Variants in TBCK observed in about 807,000 individuals in gnomAD.
TBCK encodes the protein TBC1 domain containing kinase, also known as TBC domain-containing protein kinase-like protein.
TBCK carries 99 observed loss-of-function variants against 113.4 expected under a neutral mutation model. That is an observed-to-expected ratio of 0.87 (90% confidence interval 0.74 to 1.03). The LOEUF (loss-of-function observed/expected upper bound fraction) is 1.03, where lower values mean the gene tolerates loss of function less well. Ranked by LOEUF, TBCK falls within the 50% of genes least tolerant of loss-of-function variation. The pLI is 0.00. For synonymous variants in TBCK, 369 were observed against 370.8 expected (o/e 1.00, Z 0.05); for missense variants, 1,045 against 1,061.3 (o/e 0.98, Z 0.21).
intron 25 of TBCK, among the ~76,000 whole-genome samples, chr4:106,093,969 G>A (rs941076443): frequency 1.3e-5 from 2 of 152,182 alleles, no homozygotes; most frequent in African/African-American, 4.8e-5. Context: ...TCTGATGGGG[G>A]AGGCTGATAA....
chr4:106,197,411 G>GTGTGTATATATATATATATATA (rs35695611), intron 20 of TBCK, among the ~76,000 whole-genome samples: 6 of 122,464 alleles, frequency 4.9e-5, no homozygotes, highest in African/African-American at 1.9e-4. Flanking sequence ...GTGTGTGTGT[G>GTGTGTATATATATATATATATA]TATATATATA....
At chr4:106,221,254 G>A (rs1311222539) in intron 19 of TBCK, among the ~76,000 whole-genome samples, 23 of 151,982 alleles carry the variant, frequency 1.5e-4, no homozygotes, top group Non-Finnish European at 5.9e-5. Context: ...CAAAGTGCTG[G>A]GATTGCAGGC....
At chr4:106,184,390 C>G (rs867424502) in intron 22 of TBCK, among the ~76,000 whole-genome samples, 45 of 151,868 alleles carry the variant, frequency 3.0e-4, no homozygotes, top group African/African-American at 1.1e-3. Flanking sequence ...AACTAATACA[C>G]AAGGCAGTCA....
At chr4:106,071,059 C>A (rs11944792) in intron 25 of TBCK, among the ~76,000 whole-genome samples, 1,713 of 152,202 alleles carry the variant, frequency 0.011, 31 homozygotes, top group African/African-American at 0.039. Context: ...CTCTTGGATT[C>A]AGTGATTTTT....
chr4:106,186,333 A>G (rs1286304441), intron 22 of TBCK, among the ~76,000 whole-genome samples: 2 of 152,134 alleles, frequency 1.3e-5, no homozygotes, highest in African/African-American at 2.4e-5. Context: ...TGGCTGAACT[A>G]GTTTACATTC....
At chr4:106,108,182 G>A (rs151026697) in intron 24 of TBCK, among the ~76,000 whole-genome samples, 1 of 152,258 alleles carries the variant, frequency 6.6e-6, no homozygotes, top group African/African-American at 2.4e-5. Context: ...GATGTACAAG[G>A]AAGAGCTGGT....
chr4:106,080,038 G>A (rs967377949), intron 25 of TBCK, among the ~76,000 whole-genome samples: 1 of 152,132 alleles, frequency 6.6e-6, no homozygotes, highest in Non-Finnish European at 1.5e-5. Context: ...TTCGACATGA[G>A]ATTTGGCTGG....
rs541601710 is a variant in TBCK, at chr4:106,134,497, G to A, written c.2236-18119C>T. On this transcript the variant is annotated intron_variant, in intron 23 of 25. Coordinates refer to ENST00000394708, the MANE Select transcript of TBCK (RefSeq NM_001163435.3). ...CAGAGTGACTCTACTACTTCTGACT[G>A]TCACCCCAACATCCCTTCTCCTCCT... 5.9e-5 allele frequency among the ~76,000 whole-genome samples: 9 copies of A among 152,322 alleles called. No homozygotes were observed. In the East Asian group the frequency reaches 9.7e-4, roughly 16 times the overall value.
At chr4:106,291,741 T>C (rs1390808300) in intron 3 of TBCK, among the ~76,000 whole-genome samples, 1 of 152,238 alleles carries the variant, frequency 6.6e-6, no homozygotes, top group Non-Finnish European at 1.5e-5. Flanking sequence ...TCCTGCCTGC[T>C]GCTAAAGACA....
chr4:106,260,441 T>C lies in TBCK; in HGVS notation c.451A>G (p.Ile151Val), dbSNP rs1374629687. The C allele has an allele frequency of 3.7e-6, 5 of 1,343,090 alleles. No individual in the cohort carries two copies. The highest frequency in any genetic ancestry group is 5.3e-5 in the Admixed American group (2 of 37,978). 83.2% of individuals were successfully genotyped at this position (1,343,090 alleles called of 1,614,324 possible). A position where few individuals can be genotyped will look rare whatever the true frequency, so the allele number is the denominator to read the frequency against. ...TAHGDDVDFP[I>V]GYPSYLAPEV... is the part of the protein sequence containing the mutation. ...TAGAGGAAAACATATCCTTACCCTA[T>C]TGGGAAATCAACATCATCACCATGA... The change falls in exon 5 of 26, where the codon ATA becomes GTA. Residue 151 changes from isoleucine to valine, a missense_variant. By Grantham distance (29) the Ile-to-Val change is conservative. Coordinates refer to ENST00000394708, the MANE Select transcript of TBCK (RefSeq NM_001163435.3).
rs547164040 is a variant in TBCK, at chr4:106,052,770, T to A, written c.2572-6090A>T. On this transcript the variant is annotated intron_variant, in intron 25 of 25. Coordinates refer to ENST00000394708, the MANE Select transcript of TBCK (RefSeq NM_001163435.3). Reference sequence around the variant, plus strand: ...TTATTTTAAAAAAAGTCAAAAAATATATAAATATAGACAAGAAAGGTATAA... The same window carrying A: ...TTATTTTAAAAAAAGTCAAAAAATAAATAAATATAGACAAGAAAGGTATAA... Among the ~76,000 whole-genome samples the A allele has an allele frequency of 5.1e-3, 773 of 151,744 alleles. 9 individuals are homozygous for A. Among genetic ancestry groups the A allele is most frequent in the African/African-American group, 0.018 (745 of 41,484 alleles).
chr4:106,253,980 T>G (rs1761707954), intron 5 of TBCK, among the ~76,000 whole-genome samples: 1 of 152,186 alleles, frequency 6.6e-6, no homozygotes, highest in South Asian at 2.1e-4. Context: ...GCTCTCTCCC[T>G]CCTATCAGGG....
intron 25 of TBCK, among the ~76,000 whole-genome samples, chr4:106,052,468 C>T (rs555979066): frequency 1.3e-5 from 2 of 151,836 alleles, no homozygotes; most frequent in South Asian, 4.1e-4. Context: ...TATTTTGAAG[C>T]CATACTAATA....
At chr4:106,167,988 T>C (rs141083837) in intron 23 of TBCK, among the ~76,000 whole-genome samples, 1,735 of 151,896 alleles carry the variant, frequency 0.011, 31 homozygotes, top group African/African-American at 0.04. Context: ...AAAACGAATA[T>C]GTCCTAACTC....
At chr4:106,294,948 A>C in intron 3 of TBCK, 146 bp downstream of exon 3, 1 of 569,934 alleles carries the variant, frequency 1.8e-6, no homozygotes, top group South Asian at 3.0e-5. Flanking sequence ...GTAATCTGTA[A>C]ATTAAATTTT....
intron 3 of TBCK, among the ~76,000 whole-genome samples, chr4:106,283,600 GAATA>G (rs1485149461): frequency 6.6e-6 from 1 of 151,964 alleles, no homozygotes; most frequent in Admixed American, 6.6e-5. Context: ...TGTGTATTAG[GAATA>G]ATTAAAACTA....
In TBCK at chr4:106,316,153, C is replaced by G. The variant is rs1236688314; in HGVS notation, c.-252G>C. The G allele has an allele frequency of 6.1e-6, 1 of 163,126 alleles. No individual in the cohort carries two copies. The highest frequency in any genetic ancestry group is 2.4e-5 in the African/African-American group (1 of 41,922). 10.1% of individuals were successfully genotyped at this position (163,126 alleles called of 1,614,324 possible). ...AGCCAAGGTTAACCTTCGCGGAACC[C>G]GGCGAGGAGCGCAAGCCTGGCCTTC... On this transcript the variant is annotated 5_prime_UTR_variant, in exon 1 of 26. Transcript: ENST00000394708.
At chr4:106,120,598 T>C (rs372150183) in intron 23 of TBCK, among the ~76,000 whole-genome samples, 9 of 152,182 alleles carry the variant, frequency 5.9e-5, no homozygotes, top group South Asian at 4.1e-4. Flanking sequence ...AGTGGTTCTC[T>C]CAGCACGCAG....
At chr4:106,246,525 T>C (rs1296653383) in intron 10 of TBCK, among the ~76,000 whole-genome samples, 2 of 152,144 alleles carry the variant, frequency 1.3e-5, no homozygotes, top group Non-Finnish European at 2.9e-5. Flanking sequence ...ATAAATTATA[T>C]AGAATATCAG....
Sources: gnomAD v4.1 joint callset for allele counts (sites outside exome capture counted in the v4.1 genomes callset) on GRCh38, gnomAD v4.1.1 for gene constraint, MANE v1.5 for transcripts, NCBI Gene and HGNC (gene_info 2026-07-23, HGNC 2026-07-21) for gene names.